Variants in ERC2 observed in about 807,000 individuals in gnomAD.
The protein encoded by ERC2 is ELKS/RAB6-interacting/CAST family member 2, also known as ERC protein 2.
In ERC2, 42 loss-of-function variants were observed where a neutral mutation model predicts 114.8. The observed-to-expected ratio is 0.37, with a 90% CI of 0.29 to 0.47. The LOEUF (loss-of-function observed/expected upper bound fraction) is 0.47. ERC2 is among the 20% of genes least tolerant of loss of function. The pLI, the probability that ERC2 is intolerant of heterozygous loss-of-function variation, is 0.99. For synonymous variants in ERC2, 454 were observed against 425.5 expected, an observed-to-expected ratio of 1.07 and a Z score of -0.82; for missense variants, 939 against 1,150.7, an observed-to-expected ratio of 0.82 and a Z score of 2.66.
chr3:56,116,329 T>C (rs1357437737), intron 6 of ERC2, among the ~76,000 whole-genome samples: 1 of 152,128 alleles, frequency 6.6e-6, no homozygotes, highest in Non-Finnish European at 1.5e-5. Flanking sequence ...TGCCATGAAA[T>C]TGTAAGTTAT....
In ERC2 at chr3:56,218,591, A is replaced by G. The variant is rs1235243667; in HGVS notation, c.1075-45071T>C. ...GTAGAAGTCAGAGTGGCAATCCCTCAGGGATCTAGAACTAGAAATACCATT... is the reference window on the plus strand; with the variant it reads ...GTAGAAGTCAGAGTGGCAATCCCTCGGGGATCTAGAACTAGAAATACCATT... On this transcript the variant is annotated intron_variant, in intron 3 of 17. Transcript: ENST00000288221. Among the ~76,000 whole-genome samples, 3 of 152,350 alleles carry G rather than the reference A, an allele frequency of 2.0e-5. No individual in the cohort carries two copies. In the East Asian group the frequency reaches 5.8e-4, roughly 29 times the overall value.
intron 2 of ERC2, among the ~76,000 whole-genome samples, chr3:56,381,586 C>G (rs971432745): frequency 6.6e-6 from 1 of 151,470 alleles, no homozygotes; most frequent in African/African-American, 2.4e-5. Flanking sequence ...AGAATAGATT[C>G]AATAGCAGAT....
chr3:56,145,516 C>G (rs1316088722), intron 5 of ERC2, among the ~76,000 whole-genome samples: 1 of 152,214 alleles, frequency 6.6e-6, no homozygotes, highest in African/African-American at 2.4e-5. Flanking sequence ...TCAGCTCTCA[C>G]AGTTTGATTC....
intron 17 of ERC2, among the ~76,000 whole-genome samples, chr3:55,598,719 T>G (rs2058263164): frequency 6.6e-6 from 1 of 152,270 alleles, no homozygotes; most frequent in South Asian, 2.1e-4. Flanking sequence ...AGAAAAATCC[T>G]GGCCAATGCC....
At chr3:55,978,493 A>G (rs1328310023) in intron 12 of ERC2, among the ~76,000 whole-genome samples, 1 of 152,218 alleles carries the variant, frequency 6.6e-6, no homozygotes, top group Non-Finnish European at 1.5e-5. Flanking sequence ...CAACTAGAAA[A>G]GCAACGGAGG....
chr3:55,936,652 T>C (rs963010264), intron 13 of ERC2, among the ~76,000 whole-genome samples: 1 of 152,122 alleles, frequency 6.6e-6, no homozygotes, highest in Non-Finnish European at 1.5e-5. Flanking sequence ...ACCAGCTTGT[T>C]CCAAGGGCAG....
rs147516249 is a variant in ERC2, at chr3:55,597,236, T to C, written c.*40-85960A>G. The stretch of plus-strand genomic sequence containing the variant: ...GAGATCGAGACCATCCTGACTAACA[T>C]GGTGAAACCCCATCTCTACAAAAAA... On this transcript the variant is annotated intron_variant, in intron 17 of 17. Coordinates refer to ENST00000288221, the MANE Select transcript of ERC2 (RefSeq NM_015576.3). Among the ~76,000 whole-genome samples, 983 of 152,122 alleles carry C rather than the reference T, an allele frequency of 6.5e-3. 10 individuals carry two copies. The highest frequency in any genetic ancestry group is 0.022 in the African/African-American group (897 of 41,484).
At position 55,950,386 on chromosome 3, in the gene ERC2, C is replaced by T. The variant is rs368649150; in HGVS notation, c.2403+39G>A. ...GTGACATTTCTGAGAGAGTCCATCT[C>T]TAGTTATTTAGCGATTAAGAAGAGA... On this transcript the variant is annotated intron_variant, in intron 13 of 17. Coordinates refer to ENST00000288221, the MANE Select transcript of ERC2 (RefSeq NM_015576.3). The T allele has an allele frequency of 3.4e-5, 54 of 1,609,268 alleles. No individual in the cohort carries two copies. In the African/African-American group the frequency reaches 6.7e-4, roughly 20 times the overall value.
At chr3:55,959,339 C>T (rs1044860440) in intron 12 of ERC2, among the ~76,000 whole-genome samples, 9 of 152,162 alleles carry the variant, frequency 5.9e-5, no homozygotes, top group Non-Finnish European at 1.0e-4. Context: ...GGATGTAACA[C>T]CACCTTAAAT....
intron 17 of ERC2, among the ~76,000 whole-genome samples, chr3:55,567,930 C>T (rs2056475442): frequency 6.6e-6 from 1 of 152,112 alleles, no homozygotes; most frequent in Admixed American, 6.5e-5. Context: ...TGATGGCTTC[C>T]CTCTTTGGGC....
intron 2 of ERC2, among the ~76,000 whole-genome samples, chr3:56,363,473 C>T (rs1223050515): frequency 6.6e-6 from 1 of 152,132 alleles, no homozygotes; most frequent in Non-Finnish European, 1.5e-5. Flanking sequence ...ACAAGGTGTA[C>T]ATGACTGAAT....
chr3:55,599,314 A>G (rs1015068901), intron 17 of ERC2, among the ~76,000 whole-genome samples: 1 of 152,218 alleles, frequency 6.6e-6, no homozygotes, highest in Non-Finnish European at 1.5e-5. Context: ...TGAAGCATGG[A>G]GACTGCAAAG....
chr3:56,102,114 C>T (rs551956905), intron 6 of ERC2, among the ~76,000 whole-genome samples: 3 of 152,320 alleles, frequency 2.0e-5, no homozygotes, highest in Admixed American at 6.5e-5. Context: ...CCTCCCTTTG[C>T]TTCACTTATG....
At chr3:56,216,322 T>C (rs1014565714) in intron 3 of ERC2, among the ~76,000 whole-genome samples, 1 of 152,016 alleles carries the variant, frequency 6.6e-6, no homozygotes, top group African/African-American at 2.4e-5. Flanking sequence ...TCACCACCGA[T>C]CCCACAGAAA....
chr3:55,563,360 T>G (rs2056163646), intron 17 of ERC2, among the ~76,000 whole-genome samples: 1 of 149,360 alleles, frequency 6.7e-6, no homozygotes, highest in Admixed American at 6.7e-5. Flanking sequence ...TCAAGGACCA[T>G]ATCTGCAATA....
chr3:56,464,654 T>C (rs999196447), intron 1 of ERC2, among the ~76,000 whole-genome samples: 3 of 152,246 alleles, frequency 2.0e-5, no homozygotes, highest in African/African-American at 7.2e-5. Flanking sequence ...GTACATCCAG[T>C]GAGTTCTACC....
chr3:56,267,613 T>C (rs558269048), intron 3 of ERC2, among the ~76,000 whole-genome samples: 5,078 of 76,738 alleles, frequency 0.066, 168 homozygotes, highest in Non-Finnish European at 0.099. Flanking sequence ...GTACTAAAAA[T>C]ACAAAAAAAA....
intron 17 of ERC2, among the ~76,000 whole-genome samples, chr3:55,672,019 ATTT>A (rs1286641622): frequency 2.6e-5 from 4 of 152,180 alleles, no homozygotes; most frequent in Non-Finnish European, 4.4e-5. Context: ...GCTCAAACTT[ATTT>A]GAACACCATA....
At position 56,005,665 on chromosome 3, in the gene ERC2, C is replaced by T. The variant is rs573968112; in HGVS notation, c.2061+1516G>A. Among the ~76,000 whole-genome samples the T allele has an allele frequency of 3.4e-3, 513 of 152,024 alleles. 3 individuals are homozygous for T. The highest frequency in any genetic ancestry group is 4.9e-3 in the Non-Finnish European group (331 of 67,918). ...AGTAGGTGGAGGACATCTTTCATGC[C>T]CAGGTCTATTTGAGGCCGTCTTTCT... On this transcript the variant is annotated intron_variant, in intron 10 of 17. Coordinates refer to ENST00000288221, the MANE Select transcript of ERC2 (RefSeq NM_015576.3).
Sources: allele counts gnomAD v4.1 joint callset (sites outside exome capture counted in the v4.1 genomes callset), GRCh38; gene constraint gnomAD v4.1.1; transcripts MANE v1.5; gene names NCBI Gene and HGNC (gene_info 2026-07-23, HGNC 2026-07-21).